The following CHERP variants were observed in gnomAD, a reference collection of about 807,000 sequenced individuals.
The protein encoded by CHERP is calcium homeostasis endoplasmic reticulum protein, also known as ERPROT 213-21.
A neutral mutation model predicts 113.8 loss-of-function variants in CHERP; 8 were observed. The observed-to-expected ratio is 0.07, with a 90% CI of 0.04 to 0.13. The LOEUF (loss-of-function observed/expected upper bound fraction) is 0.13, where lower values mean the gene tolerates loss of function less well. CHERP is among the 10% of genes least tolerant of loss of function. CHERP has a pLI of 1.00. For synonymous variants in CHERP, 559 were observed against 524.5 expected (o/e 1.07, Z -0.90); for missense variants, 884 against 1,298.2 (o/e 0.68, Z 4.90).
Position 16,532,618 on chromosome 19 carries a change from G to T in CHERP, c.654C>A (p.Ile218=). Residue 218 remains isoleucine (I), a synonymous_variant, in exon 5 of 17, where the codon ATC becomes ATA. Coordinates refer to ENST00000546361, the MANE Select transcript of CHERP (RefSeq NM_006387.6). This position sits in a 1 kb window ranked among gnomAD's most constrained non-coding sequence, Gnocchi z 4.4. ...CTCACCAGTGGTGCAGCACGTCATT[G>T]ATCAGGTAGATGAGGTGCAGCCGCA... ...FELRLHLIYL[I]NDVLHHCQRK... 1.2e-6 allele frequency: 2 copies of T among 1,608,506 alleles called. No individual in the cohort carries two copies. Among genetic ancestry groups the T allele is most frequent in the Middle Eastern group, 1.7e-4 (1 of 6,044 alleles).
At chr19:16,533,773 A>AAACAACAAC (rs36119133) in intron 3 of CHERP, among the ~76,000 whole-genome samples, 1 of 151,018 alleles carries the variant, frequency 6.6e-6, no homozygotes, top group African/African-American at 2.5e-5. Context: ...AACAACAACA[A>AAACAACAAC]AACAACAACA....
chr19:16,519,138 C>G lies in CHERP; in HGVS notation c.*21G>C. 6.2e-7 allele frequency: 1 copy of G among 1,603,684 alleles called. No homozygotes were observed. Among genetic ancestry groups the G allele is most frequent in the South Asian group, 1.1e-5 (1 of 89,932 alleles). On this transcript the variant is annotated 3_prime_UTR_variant, in exon 17 of 17. Transcript: ENST00000546361. The surrounding 1 kb of genome is among the most constrained non-coding windows in gnomAD (Gnocchi z 6.0). Reference sequence around the variant, plus strand: ...CACAGCCGGCACCGCTGGCCACCGGCGCGGCTCCCGGCATGGGCGCCTACT... The same window carrying G: ...CACAGCCGGCACCGCTGGCCACCGGGGCGGCTCCCGGCATGGGCGCCTACT...
rs2085572111 is a variant in CHERP at position 16,518,639 on chromosome 19, G to A, written c.*520C>T. On this transcript the variant is annotated 3_prime_UTR_variant, in exon 17 of 17. Transcript: ENST00000546361. The stretch of plus-strand genomic sequence containing the variant: ...AGTCAAGTCAAAGTTTTGTGTTTCT[G>A]TTTTTCAATCCGCGGGCAGTCATGG... 1 of 154,020 alleles carries A rather than the reference G, an allele frequency of 6.5e-6. No homozygotes were observed. The highest frequency in any genetic ancestry group is 6.5e-5 in the Admixed American group (1 of 15,318). The allele number at this position is 154,020 out of a possible 1,614,324, so 9.5% of individuals were successfully genotyped here.
At position 16,518,959 on chromosome 19, in the gene CHERP, GGGTGGCACCC is replaced by G; in HGVS notation, c.*190_*199del. ...TGCAGCGCCTCCTGGTGTGGTTTGT[GGGTGGCACCC>G]GTGCCCTCCACGCCATGGAGCACGG... On this transcript the variant is annotated 3_prime_UTR_variant, in exon 17 of 17. Transcript: ENST00000546361. The G allele has an allele frequency of 1.7e-6, 1 of 597,372 alleles. No individual in the cohort carries two copies. The highest frequency in any genetic ancestry group is 2.9e-6 in the Non-Finnish European group (1 of 344,974). 37.0% of individuals were successfully genotyped at this position (597,372 alleles called of 1,614,324 possible). A position where few individuals can be genotyped will look rare whatever the true frequency, so the allele number is the denominator to read the frequency against.
In CHERP at chr19:16,523,250, A is replaced by T; in HGVS notation, c.1782T>A (p.Pro594=). The part of the protein sequence containing the change: ...PPHHHPGHRM[P]HPGINEHPPW... ...GCGGGTGCTCGTTGATGCCAGGATG[A>T]GGCATGCGGTGGCCAGGGTGGTGGT... Residue 594 remains proline, a synonymous_variant, in exon 11 of 17, where the codon CCT becomes CCA. Coordinates refer to ENST00000546361, the MANE Select transcript of CHERP (RefSeq NM_006387.6). The surrounding 1 kb of genome is among the most constrained non-coding windows in gnomAD (Gnocchi z 4.0). The T allele has an allele frequency of 1.9e-6, 3 of 1,601,320 alleles. No individual in the cohort carries two copies. Among genetic ancestry groups the T allele is most frequent in the Admixed American group, 1.7e-5 (1 of 57,472 alleles).
rs531311755 is a variant in CHERP at position 16,525,725 on chromosome 19, T to TGCTCGGCAGCATCACAGC, written c.1306-66_1306-49dup. 3.9e-4 allele frequency: 555 copies of TGCTCGGCAGCATCACAGC among 1,413,724 alleles called. No individual in the cohort carries two copies. Among genetic ancestry groups the TGCTCGGCAGCATCACAGC allele is most frequent in the East Asian group, 1.1e-3 (43 of 38,260 alleles). The allele number at this position is 1,413,724 out of a possible 1,614,324, so 87.6% of individuals were successfully genotyped here. A position where few individuals can be genotyped will look rare whatever the true frequency, so the allele number is the denominator to read the frequency against. On this transcript the variant is annotated intron_variant, in intron 9 of 16. Coordinates refer to ENST00000546361, the MANE Select transcript of CHERP (RefSeq NM_006387.6). The surrounding 1 kb of genome is among the most constrained non-coding windows in gnomAD (Gnocchi z 6.5). ...GAGCCCTGCGTGGTCTAGGCCCTAG[T>TGCTCGGCAGCATCACAGC]GCTCGGCAGCATCACAGCGCTCGGC... is the stretch of plus-strand genomic sequence containing the variant.
intron 2 of CHERP, 22 bp downstream of exon 2, chr19:16,541,848 C>G: frequency 1.9e-6 from 3 of 1,605,510 alleles, no homozygotes; most frequent in South Asian, 1.1e-5. Flanking sequence ...ATGGGACGGC[C>G]TGAGTGCCGG....
In CHERP at chr19:16,535,017, A is replaced by G. The variant is rs919325559; in HGVS notation, c.384+435T>C. On this transcript the variant is annotated intron_variant, in intron 3 of 16. Transcript: ENST00000546361. This position sits in a 1 kb window ranked among gnomAD's most constrained non-coding sequence, Gnocchi z 4.3. ...TTTGAACTCGGGAGGTAGGGGCTGCAGTGAGCTGAGATCACGCCTCTGCAC... is the reference window on the plus strand; with the variant it reads ...TTTGAACTCGGGAGGTAGGGGCTGCGGTGAGCTGAGATCACGCCTCTGCAC... Among the ~76,000 whole-genome samples the G allele has an allele frequency of 1.3e-5, 2 of 152,040 alleles. 1 individual carries two copies. The highest frequency in any genetic ancestry group is 2.9e-5 in the Non-Finnish European group (2 of 67,982).
intron 2 of CHERP, among the ~76,000 whole-genome samples, chr19:16,541,025 ACTG>A (rs2085775873): frequency 6.6e-6 from 1 of 152,042 alleles, no homozygotes; most frequent in South Asian, 2.1e-4. Context: ...TCGAACACCA[ACTG>A]TGTGTTATGT....
rs2122232917 is a variant in CHERP, at chr19:16,518,210, TC to T, written c.*948del. 1 of 152,162 alleles carries T rather than the reference TC, an allele frequency of 6.6e-6. No homozygotes were observed. The highest frequency in any genetic ancestry group is 2.1e-4 in the South Asian group (1 of 4,812). 9.4% of individuals were successfully genotyped at this position (152,162 alleles called of 1,614,324 possible). ...GAGCAGCTCCCCTCCTGGCCTCCCC[TC>T]CCTTCGGGGGTGTGAAATGAAATGA... On this transcript the variant is annotated 3_prime_UTR_variant, in exon 17 of 17. Transcript: ENST00000546361.
rs376921396 is a variant in CHERP at position 16,529,676 on chromosome 19, G to A, written c.1101C>T (p.Ala367=). 1,911 of 1,557,430 alleles carry A rather than the reference G, an allele frequency of 1.2e-3. No homozygotes were observed. Among genetic ancestry groups the A allele is most frequent in the Non-Finnish European group, 1.5e-3 (1,773 of 1,156,540 alleles). ...GCTGGGTGGTGGGCGGGATGGCAGGGGCAGGTGCTGGGGCCGGGGGTGGAG... is the reference window on the plus strand; with the variant it reads ...GCTGGGTGGTGGGCGGGATGGCAGGAGCAGGTGCTGGGGCCGGGGGTGGAG... ...PPAPPPAPAP[A]PAIPPTTQPD... Residue 367 remains alanine (A), a synonymous_variant, in exon 8 of 17, where the codon GCC becomes GCT. Coordinates refer to ENST00000546361, the MANE Select transcript of CHERP (RefSeq NM_006387.6).
In CHERP at chr19:16,525,590, C is replaced by T. The variant is rs1279094830; in HGVS notation, c.1393G>A (p.Glu465Lys). The change falls in exon 10 of 17, where the codon GAG (glutamate) becomes AAG (lysine). Residue 465 changes from glutamate (E) to lysine (K), a missense_variant. Coordinates refer to ENST00000546361, the MANE Select transcript of CHERP (RefSeq NM_006387.6). This position sits in a 1 kb window ranked among gnomAD's most constrained non-coding sequence, Gnocchi z 6.5. ...WNNSHEGMWG[E>K]QRGDPGWNGQ... ...TTCCAGCCGGGGTCACCGCGCTGCT[C>T]GCCCCACATGCCCTCATGGCTGTTG... 8 of 1,538,072 alleles carry T rather than the reference C, an allele frequency of 5.2e-6. No homozygotes were observed. Among genetic ancestry groups the T allele is most frequent in the Non-Finnish European group, 5.2e-6 (6 of 1,145,186 alleles).
At chr19:16,542,113 C>T (rs2122296936) in intron 1 of CHERP, 70 bp from the exon 2 acceptor site, 2 of 1,504,788 alleles carry the variant, frequency 1.3e-6, no homozygotes, top group Non-Finnish European at 1.8e-6. Context: ...CTCGGCGCCC[C>T]AGCCCCCGTC....
In CHERP at chr19:16,520,270, A is replaced by G. The variant is rs1184858926; in HGVS notation, c.2346-5T>C. ...GAGCGCGACCTGCTCCGACTTCTGC[A>G]GGGAAGGGTGCCCAAGGGTCAGCAG... On this transcript the variant is annotated splice_region_variant and splice_polypyrimidine_tract_variant and intron_variant, in intron 14 of 16. Coordinates refer to ENST00000546361, the MANE Select transcript of CHERP (RefSeq NM_006387.6). This position sits in a 1 kb window ranked among gnomAD's most constrained non-coding sequence, Gnocchi z 4.0. The G allele has an allele frequency of 8.7e-6, 14 of 1,613,308 alleles. No homozygotes were observed. The highest frequency in any genetic ancestry group is 1.0e-5 in the Non-Finnish European group (12 of 1,179,966).
At position 16,520,930 on chromosome 19, in the gene CHERP, C is replaced by G. The variant is rs1254116558; in HGVS notation, c.2115-18G>C. On this transcript the variant is annotated intron_variant, in intron 12 of 16. Transcript: ENST00000546361. This position sits in a 1 kb window ranked among gnomAD's most constrained non-coding sequence, Gnocchi z 4.0. ...AGCCTTCACTGTAAGACACGGCATT[C>G]CGTGTGTGACCACGTGACACCCACC... is the stretch of plus-strand genomic sequence containing the variant. The G allele has an allele frequency of 6.2e-7, 1 of 1,607,850 alleles. No homozygotes were observed. Among genetic ancestry groups the G allele is most frequent in the Non-Finnish European group, 8.5e-7 (1 of 1,174,956 alleles).
chr19:16,522,404 G>A (rs963329821), intron 11 of CHERP, among the ~76,000 whole-genome samples: 7 of 152,264 alleles, frequency 4.6e-5, no homozygotes, highest in Non-Finnish European at 7.4e-5. Context: ...GACTACAGGC[G>A]TCTGCCACCA....
chr19:16,534,695 C>T (rs926153059), intron 3 of CHERP, among the ~76,000 whole-genome samples: 2 of 152,158 alleles, frequency 1.3e-5, no homozygotes, highest in African/African-American at 2.4e-5. Flanking sequence ...AGGCTAGCCT[C>T]GAACTCCTGA....
rs889487474 is a variant in CHERP at position 16,530,476 on chromosome 19, A to G, written c.876+109T>C. On this transcript the variant is annotated intron_variant, in intron 7 of 16. Transcript: ENST00000546361. This position sits in a 1 kb window ranked among gnomAD's most constrained non-coding sequence, Gnocchi z 4.1. The stretch of plus-strand genomic sequence containing the variant: ...GCTACTCCTAGCACAGGCAGGGGAC[A>G]TGGGCTCTCTGGCTGCTGGGGTGGC... 1.2e-5 allele frequency: 12 copies of G among 980,054 alleles called. No individual in the cohort carries two copies. The highest frequency in any genetic ancestry group is 1.1e-4 in the African/African-American group (7 of 62,900). The allele number at this position is 980,054 out of a possible 1,614,324, so 60.7% of individuals were successfully genotyped here. A position where few individuals can be genotyped will look rare whatever the true frequency, so the allele number is the denominator to read the frequency against.
Position 16,541,592 on chromosome 19 carries a change from C to A in CHERP, c.199+278G>T, listed in dbSNP as rs1272532954. On this transcript the variant is annotated intron_variant, in intron 2 of 16. Coordinates refer to ENST00000546361, the MANE Select transcript of CHERP (RefSeq NM_006387.6). ...AAAACACTAAAACAATCACGCTACT[C>A]CTGCTAATCTCCGTCATCAGTCTGC... 9 of 390,942 alleles carry A rather than the reference C, an allele frequency of 2.3e-5. No individual in the cohort carries two copies. In the East Asian group the frequency reaches 4.1e-4, roughly 18 times the overall value. The allele number at this position is 390,942 out of a possible 1,614,324, so 24.2% of individuals were successfully genotyped here.
Sources: gnomAD v4.1 joint callset for allele counts (sites outside exome capture counted in the v4.1 genomes callset) on GRCh38, gnomAD v4.1.1 for gene constraint, Gnocchi (gnomAD v3.1) non-coding constraint, MANE v1.5 for transcripts, NCBI Gene and HGNC (gene_info 2026-07-23, HGNC 2026-07-21) for gene names.